The following OSTF1 variants were observed in gnomAD, a reference collection of about 807,000 sequenced individuals.
The protein encoded by OSTF1 is osteoclast-stimulating factor 1.
A neutral mutation model predicts 37.2 loss-of-function variants in OSTF1; 27 were observed. That is an observed-to-expected ratio of 0.73 (90% CI 0.54 to 1.00). The LOEUF (loss-of-function observed/expected upper bound fraction) is 1.00, where lower values mean the gene tolerates loss of function less well. Among genes scored for constraint, OSTF1 ranks in the 50% least tolerant of loss-of-function variants. The pLI is 0.00. For synonymous variants in OSTF1, 82 were observed against 89.2 expected (o/e 0.92, Z 0.46); for missense variants, 232 against 253.8 (o/e 0.91, Z 0.58).
At chr9:75,098,283 AAAGGCTTTTCAT>A (rs1456337438) in intron 1 of OSTF1, among the ~76,000 whole-genome samples, 2 of 152,212 alleles carry the variant, frequency 1.3e-5, no homozygotes, top group Non-Finnish European at 2.9e-5. Context: ...CACACCAAGC[AAAGGCTTTTCAT>A]AAGTCCAGAT....
chr9:75,103,239 C>T (rs976752205), intron 1 of OSTF1, among the ~76,000 whole-genome samples: 2 of 152,118 alleles, frequency 1.3e-5, no homozygotes, highest in African/African-American at 2.4e-5. Context: ...GCTATGACTG[C>T]GTCATTGTAC....
intron 1 of OSTF1, among the ~76,000 whole-genome samples, chr9:75,105,639 CT>C (rs34935034): frequency 0.26 from 39,497 of 149,458 alleles, 5,974 homozygotes; most frequent in East Asian, 0.42. Flanking sequence ...ATCAGGGTAA[CT>C]TTTTTTTTTT....
intron 6 of OSTF1, among the ~76,000 whole-genome samples, chr9:75,133,921 C>T (rs1465714214): frequency 3.3e-5 from 5 of 152,070 alleles, no homozygotes; most frequent in Non-Finnish European, 7.4e-5. Flanking sequence ...TATCACCCAC[C>T]GCTTTTCTAC....
intron 1 of OSTF1, among the ~76,000 whole-genome samples, chr9:75,110,609 T>G (rs1240252235): frequency 1.3e-5 from 2 of 152,186 alleles, no homozygotes; most frequent in East Asian, 3.8e-4. Flanking sequence ...ATAAGTGAAA[T>G]AGTCTATCTA....
intron 2 of OSTF1, among the ~76,000 whole-genome samples, chr9:75,123,416 C>G (rs1275518366): frequency 4.0e-5 from 6 of 151,896 alleles, no homozygotes; most frequent in African/African-American, 1.5e-4. Context: ...AGTGAGACTC[C>G]GTCTCAAAAA....
chr9:75,106,500 C>G (rs1825286090), intron 1 of OSTF1, among the ~76,000 whole-genome samples: 1 of 151,766 alleles, frequency 6.6e-6, no homozygotes, highest in Non-Finnish European at 1.5e-5. Flanking sequence ...CACAAATTAG[C>G]TGGACATGGT....
intron 4 of OSTF1, among the ~76,000 whole-genome samples, chr9:75,131,335 C>T (rs2118583369): frequency 6.6e-6 from 1 of 152,284 alleles, no homozygotes; most frequent in Non-Finnish European, 1.5e-5. Flanking sequence ...TCATCCGATC[C>T]TACATAAATA....
intron 1 of OSTF1, among the ~76,000 whole-genome samples, chr9:75,093,060 CTT>C (rs1433476660): frequency 7.4e-6 from 1 of 134,950 alleles, no homozygotes; most frequent in Non-Finnish European, 1.5e-5. Flanking sequence ...CTCTTTCTTT[CTT>C]TCTTTTTTTT....
intron 7 of OSTF1, 61 bp downstream of exon 7, chr9:75,134,456 CA>C (rs1468409064): frequency 1.2e-6 from 1 of 818,254 alleles, no homozygotes; most frequent in Non-Finnish European, 2.1e-6. Flanking sequence ...TAGTACAGAG[CA>C]ACTCATGGGC....
rs569278459 is a variant in OSTF1, at chr9:75,111,660, T to C, written c.35-5844T>C. On this transcript the variant is annotated intron_variant, in intron 1 of 9. Coordinates refer to ENST00000346234, the MANE Select transcript of OSTF1 (RefSeq NM_012383.5). Reference sequence around the variant, plus strand: ...GTCTTCTGAGCTCCATTTTTCCTCTTTGTTATATGTCACTAGACTTTGATG... The same window carrying C: ...GTCTTCTGAGCTCCATTTTTCCTCTCTGTTATATGTCACTAGACTTTGATG... Among the ~76,000 whole-genome samples, 13 of 152,198 alleles carry C rather than the reference T, an allele frequency of 8.5e-5. No individual in the cohort carries two copies. In the East Asian group the frequency reaches 2.5e-3, roughly 29 times the overall value.
chr9:75,131,913 C>A, intron 5 of OSTF1, 90 bp downstream of exon 5: 3 of 876,234 alleles, frequency 3.4e-6, no homozygotes, highest in South Asian at 1.4e-5. Flanking sequence ...CCCACGTAAC[C>A]AACACCCAGA....
intron 9 of OSTF1, among the ~76,000 whole-genome samples, chr9:75,145,162 C>T (rs7039612): frequency 0.68 from 98,081 of 144,162 alleles, 31,955 homozygotes; most frequent in Non-Finnish European, 0.7. Context: ...TATCTATCTA[C>T]CTATCTATCT....
chr9:75,135,331 T>G (rs999323822), intron 7 of OSTF1, among the ~76,000 whole-genome samples: 1 of 152,206 alleles, frequency 6.6e-6, no homozygotes, highest in Non-Finnish European at 1.5e-5. Context: ...CTTTTATGTA[T>G]GATCTGCTTT....
chr9:75,132,990 CACACACACACACACACACACA>C (rs751693037), intron 5 of OSTF1, among the ~76,000 whole-genome samples: 34,702 of 150,544 alleles, frequency 0.23, 4,071 homozygotes, highest in Non-Finnish European at 0.25. Context: ...CACACACACA[CACACACACACACACACACACA>C]CCCCTATATA....
At chr9:75,145,305 A>G (rs1161472770) in intron 9 of OSTF1, among the ~76,000 whole-genome samples, 1 of 152,152 alleles carries the variant, frequency 6.6e-6, no homozygotes, top group Non-Finnish European at 1.5e-5. Flanking sequence ...TTTAGGTTCA[A>G]TCTATCCATC....
intron 1 of OSTF1, among the ~76,000 whole-genome samples, chr9:75,113,299 C>T (rs189995721): frequency 3.3e-5 from 5 of 152,260 alleles, no homozygotes; most frequent in African/African-American, 4.8e-5. Context: ...ATGATGCCCC[C>T]GCAATTGGTG....
At chr9:75,106,097 G>A (rs551337554) in intron 1 of OSTF1, among the ~76,000 whole-genome samples, 1 of 152,216 alleles carries the variant, frequency 6.6e-6, no homozygotes, top group African/African-American at 2.4e-5. Flanking sequence ...TTTTGGATTG[G>A]ATAGGGGAAG....
chr9:75,095,985 G>A (rs904444540), intron 1 of OSTF1, among the ~76,000 whole-genome samples: 3 of 151,452 alleles, frequency 2.0e-5, no homozygotes, highest in Non-Finnish European at 4.4e-5. Flanking sequence ...TCCGCCTCCC[G>A]GGTTCACGCC....
chr9:75,146,843 A>G lies in OSTF1; in HGVS notation c.*102A>G, dbSNP rs1490422421. The G allele has an allele frequency of 2.6e-6, 2 of 772,474 alleles. No individual in the cohort carries two copies. Among genetic ancestry groups the G allele is most frequent in the East Asian group, 2.6e-5 (1 of 38,746 alleles). The allele number at this position is 772,474 out of a possible 1,614,324, so 47.9% of individuals were successfully genotyped here. ...TTGGTAACTATAAAGAAAATTATATATGAACACGGCAGTGTTGCACTGTGT... is the reference window on the plus strand; with the variant it reads ...TTGGTAACTATAAAGAAAATTATATGTGAACACGGCAGTGTTGCACTGTGT... On this transcript the variant is annotated 3_prime_UTR_variant, in exon 10 of 10. Transcript: ENST00000346234.
Sources: allele counts gnomAD v4.1 joint callset (sites outside exome capture counted in the v4.1 genomes callset), GRCh38; gene constraint gnomAD v4.1.1; transcripts MANE v1.5; gene names NCBI Gene and HGNC (gene_info 2026-07-23, HGNC 2026-07-21).